ARHGAP31: variants seen among roughly 807,000 people sequenced by gnomAD.
The protein encoded by ARHGAP31 is rho GTPase-activating protein 31.
In ARHGAP31, 34 loss-of-function variants were observed where a neutral mutation model predicts 113.9. That is an observed-to-expected ratio of 0.30 (90% confidence interval 0.23 to 0.40). The LOEUF is 0.40. Ranked by LOEUF, ARHGAP31 falls within the 10% of genes least tolerant of loss-of-function variation. ARHGAP31 has a pLI of 1.00. For missense variants in ARHGAP31, 1,548 were observed against 1,767.1 expected (o/e 0.88, Z 2.22); for synonymous variants, 650 against 684.8 (o/e 0.95, Z 0.79).
intron 3 of ARHGAP31, among the ~76,000 whole-genome samples, chr3:119,372,364 A>G (rs534428249): frequency 6.7e-6 from 1 of 149,898 alleles, no homozygotes; most frequent in Admixed American, 6.6e-5. Context: ...GGTCACTTCA[A>G]CCTCTGCCTC....
chr3:119,415,942 G>T lies in ARHGAP31; in HGVS notation c.4013G>T (p.Arg1338Met), dbSNP rs775555581. ...TCTGGGGGTTCTAAGCCTTTCCACA[G>T]GTCAAGGCCAGGAAGACCTCAGAGC... is the stretch of plus-strand genomic sequence containing the variant. ...RPSGGSKPFH[R>M]SRPGRPQSLI... The change falls in exon 12 of 12, where the codon AGG becomes ATG. Residue 1338 changes from arginine (R) to methionine (M), a missense_variant. Coordinates refer to ENST00000264245, the MANE Select transcript of ARHGAP31 (RefSeq NM_020754.4). 6.2e-7 allele frequency: 1 copy of T among 1,614,156 alleles called. No homozygotes were observed. The highest frequency in any genetic ancestry group is 8.5e-7 in the Non-Finnish European group (1 of 1,180,038).
At chr3:119,408,853 TAATCACTTTGGA>T in intron 10 of ARHGAP31, among the ~76,000 whole-genome samples, 1 of 152,172 alleles carries the variant, frequency 6.6e-6, no homozygotes, top group Non-Finnish European at 1.5e-5. Flanking sequence ...GAACAGAACT[TAATCACTTTGGA>T]TAGATCCAAA....
At chr3:119,363,873 G>A (rs1000659034) in intron 1 of ARHGAP31, among the ~76,000 whole-genome samples, 3 of 152,122 alleles carry the variant, frequency 2.0e-5, no homozygotes, top group Admixed American at 6.5e-5. Flanking sequence ...TGGCAGCCTC[G>A]AGAAGCCACT....
chr3:119,298,154 G>C (rs999249619), intron 1 of ARHGAP31, among the ~76,000 whole-genome samples: 26 of 152,110 alleles, frequency 1.7e-4, no homozygotes, highest in African/African-American at 5.3e-4. Context: ...GCTCCTGGCA[G>C]ACTTGCCAAG....
intron 1 of ARHGAP31, among the ~76,000 whole-genome samples, chr3:119,312,935 G>A (rs904909206): frequency 6.6e-6 from 1 of 152,148 alleles, no homozygotes; most frequent in African/African-American, 2.4e-5. Context: ...CTAAAAATTC[G>A]CATGGAGATT....
chr3:119,411,014 G>A (rs975076139), intron 11 of ARHGAP31, among the ~76,000 whole-genome samples: 1 of 152,208 alleles, frequency 6.6e-6, no homozygotes, highest in African/African-American at 2.4e-5. Context: ...GAAGAAAGGG[G>A]CAGTGGGTGG....
Position 119,414,004 on chromosome 3 carries a change from C to T in ARHGAP31, c.2075C>T (p.Pro692Leu), listed in dbSNP as rs1420231956. 2 of 1,614,024 alleles carry T rather than the reference C, an allele frequency of 1.2e-6. No individual in the cohort carries two copies. Among genetic ancestry groups the T allele is most frequent in the African/African-American group, 2.7e-5 (2 of 74,902 alleles). ...IQPILESSLG[P>L]FIPSEPPGSL... Reference sequence around the variant, plus strand: ...CCTATTCTCGAGTCGAGTCTGGGGCCCTTTATTCCCTCAGAGCCTCCTGGG... The same window carrying T: ...CCTATTCTCGAGTCGAGTCTGGGGCTCTTTATTCCCTCAGAGCCTCCTGGG... Residue 692 changes from proline (P) to leucine (L), a missense_variant, in exon 12 of 12, where the codon CCC (proline) becomes CTC (leucine). Pro to Leu is a moderately conservative substitution (Grantham distance 98). Coordinates refer to ENST00000264245, the MANE Select transcript of ARHGAP31 (RefSeq NM_020754.4).
At chr3:119,354,944 A>G (rs952413035) in intron 1 of ARHGAP31, among the ~76,000 whole-genome samples, 1 of 152,110 alleles carries the variant, frequency 6.6e-6, no homozygotes, top group Non-Finnish European at 1.5e-5. Context: ...TTGAACACTT[A>G]AAGATCAGAC....
At chr3:119,410,092 A>G (rs1372770263) in intron 11 of ARHGAP31, among the ~76,000 whole-genome samples, 1 of 152,238 alleles carries the variant, frequency 6.6e-6, no homozygotes, top group Non-Finnish European at 1.5e-5. Flanking sequence ...TCCCAGAAGC[A>G]GCACAAGACC....
intron 8 of ARHGAP31, among the ~76,000 whole-genome samples, chr3:119,396,944 A>G (rs1180402829): frequency 6.6e-6 from 1 of 152,228 alleles, no homozygotes. Flanking sequence ...AAAGAGAAAG[A>G]AGAGTTCAGA....
chr3:119,331,761 A>G (rs2079893599), intron 1 of ARHGAP31, among the ~76,000 whole-genome samples: 1 of 152,222 alleles, frequency 6.6e-6, no homozygotes, highest in African/African-American at 2.4e-5. Flanking sequence ...TAGCAGGATT[A>G]TGAAAATCAG....
At chr3:119,361,334 G>A (rs1000142478) in intron 1 of ARHGAP31, among the ~76,000 whole-genome samples, 2 of 149,832 alleles carry the variant, frequency 1.3e-5, no homozygotes, top group African/African-American at 4.9e-5. Flanking sequence ...ATTAAGGTAT[G>A]TGAGAAGCCC....
At position 119,380,902 on chromosome 3, in the gene ARHGAP31, A is replaced by G; in HGVS notation, c.349-2A>G. Reference sequence around the variant, plus strand: ...CAGGCTGCCTTGTGTTCTTCTCCACAGGAGGCAGTGTCGCATTGCCCTGAA... The same window carrying G: ...CAGGCTGCCTTGTGTTCTTCTCCACGGGAGGCAGTGTCGCATTGCCCTGAA... On this transcript the variant is annotated splice_acceptor_variant, in intron 3 of 11. Coordinates refer to ENST00000264245, the MANE Select transcript of ARHGAP31 (RefSeq NM_020754.4). LOFTEE classifies it high-confidence loss of function. 1 of 1,614,012 alleles carries G rather than the reference A, an allele frequency of 6.2e-7. No individual in the cohort carries two copies. The highest frequency in any genetic ancestry group is 8.5e-7 in the Non-Finnish European group (1 of 1,179,892).
At chr3:119,382,948 C>A in intron 5 of ARHGAP31, 136 bp from the exon 6 acceptor site, 1 of 1,168,502 alleles carries the variant, frequency 8.6e-7, no homozygotes, top group Non-Finnish European at 1.3e-6. Flanking sequence ...CTTTAATTGG[C>A]CCTAAATAAT....
intron 10 of ARHGAP31, 37 bp from the exon 11 acceptor site, chr3:119,409,459 A>T (rs1197803008): frequency 6.2e-7 from 1 of 1,612,356 alleles, no homozygotes; most frequent in Non-Finnish European, 8.5e-7. Flanking sequence ...CTTGAAATGA[A>T]GTCTCCTTTA....
At chr3:119,385,472 G>A (rs1417721843) in intron 6 of ARHGAP31, among the ~76,000 whole-genome samples, 1 of 152,012 alleles carries the variant, frequency 6.6e-6, no homozygotes, top group Admixed American at 6.5e-5. Flanking sequence ...TGTAGGAGTG[G>A]CTGGCCTTTC....
chr3:119,409,909 C>A (rs1577034456), intron 11 of ARHGAP31, 133 bp downstream of exon 11: 2 of 937,418 alleles, frequency 2.1e-6, no homozygotes, highest in African/African-American at 1.7e-5. Flanking sequence ...CTTTAAGAGA[C>A]AAACTTGTAA....
At chr3:119,367,866 A>G (rs930491736) in intron 2 of ARHGAP31, among the ~76,000 whole-genome samples, 4 of 133,432 alleles carry the variant, frequency 3.0e-5, no homozygotes, top group African/African-American at 1.2e-4. Flanking sequence ...CAAAAAAAAG[A>G]AAAAAAAAAA....
chr3:119,304,944 CTT>C (rs2079618413), intron 1 of ARHGAP31, among the ~76,000 whole-genome samples: 1 of 147,978 alleles, frequency 6.8e-6, no homozygotes, highest in African/African-American at 2.5e-5. Context: ...TAAAATAAAA[CTT>C]TTAAAAAATG....
Sources: allele counts gnomAD v4.1 joint callset (sites outside exome capture counted in the v4.1 genomes callset), GRCh38; gene constraint gnomAD v4.1.1; transcripts MANE v1.5; gene names NCBI Gene and HGNC (gene_info 2026-07-23, HGNC 2026-07-21).